Variants in SRPK1 observed in about 807,000 individuals in gnomAD.
SRPK1 encodes the protein SRSF protein kinase 1, also known as SFRS protein kinase 1.
Under a neutral mutation model 89.5 loss-of-function variants are expected in SRPK1, and 52 were observed. The ratio of observed to expected loss-of-function variants is 0.58; its 90% confidence interval spans 0.46 to 0.73. SRPK1 has a LOEUF of 0.73. Among genes scored for constraint, SRPK1 ranks in the 30% least tolerant of loss-of-function variants. SRPK1 has a pLI of 0.00. For synonymous variants in SRPK1, 255 were observed against 270.2 expected (o/e 0.94, Z 0.55); for missense variants, 603 against 780.6 (o/e 0.77, Z 2.71).
In SRPK1 at chr6:35,869,501, G is replaced by A. The variant is rs778489915; in HGVS notation, c.1392C>T (p.Asn464=). Residue 464 remains asparagine (N), a synonymous_variant, in exon 11 of 16, where the codon AAC becomes AAT. Coordinates refer to ENST00000373825, the MANE Select transcript of SRPK1 (RefSeq NM_003137.5). ...PCEDEQEQEH[N]GPLDNKGKST... ...AGGTACCTTTGTTGTCCAGTGGTCC[G>A]TTATGTTCTTGCTCTTGTTCATCTT... 8.7e-6 allele frequency: 14 copies of A among 1,613,670 alleles called. No individual in the cohort carries two copies. The East Asian group carries it at 8.9e-5, about 10-fold the overall frequency.
chr6:35,857,712 C>T (rs9470142), intron 12 of SRPK1, among the ~76,000 whole-genome samples: 44,446 of 152,082 alleles, frequency 0.29, 6,829 homozygotes, highest in South Asian at 0.42. Context: ...AAGTGATCCA[C>T]CCACCTTGGC....
chr6:35,871,043 A>G, intron 8 of SRPK1, 84 bp from the exon 9 acceptor site: 1 of 1,161,116 alleles, frequency 8.6e-7, no homozygotes. Flanking sequence ...CTCTACCAGA[A>G]TGAAAAGTCT....
At chr6:35,919,228 C>T (rs1771175056) in intron 2 of SRPK1, among the ~76,000 whole-genome samples, 1 of 152,194 alleles carries the variant, frequency 6.6e-6, no homozygotes, top group Admixed American at 6.5e-5. Context: ...CGTCACCAAG[C>T]ACTTACAAAA....
At chr6:35,883,052 C>T (rs1055864799) in intron 6 of SRPK1, among the ~76,000 whole-genome samples, 7 of 152,264 alleles carry the variant, frequency 4.6e-5, no homozygotes, top group Admixed American at 3.3e-4. Context: ...CGTGATCCGC[C>T]CGCTTTGGCC....
intron 7 of SRPK1, among the ~76,000 whole-genome samples, chr6:35,873,817 TTTAAAACAA>T (rs1415218205): frequency 6.7e-6 from 1 of 148,700 alleles, no homozygotes; most frequent in Non-Finnish European, 1.5e-5. Context: ...AACAAAGAAT[TTTAAAACAA>T]AAATTCTTTT....
At chr6:35,856,855 G>T (rs1769676449) in intron 13 of SRPK1, 1 of 157,076 alleles carries the variant, frequency 6.4e-6, no homozygotes, top group South Asian at 2.0e-4. Context: ...CATCTTGGGA[G>T]CTGCAAAGGT....
intron 2 of SRPK1, 113 bp downstream of exon 2, chr6:35,920,355 G>T: frequency 8.5e-7 from 1 of 1,183,228 alleles, no homozygotes; most frequent in Non-Finnish European, 1.3e-6. Flanking sequence ...CCGAGGCCAT[G>T]TGGCTGCAGC....
chr6:35,893,962 G>A (rs1770575963), intron 2 of SRPK1, among the ~76,000 whole-genome samples: 1 of 152,058 alleles, frequency 6.6e-6, no homozygotes, highest in Admixed American at 6.5e-5. Context: ...AATGAGCCGA[G>A]ATCATGCCAC....
At chr6:35,870,773 A>AT (rs1770019279) in intron 9 of SRPK1, among the ~76,000 whole-genome samples, 161 bp downstream of exon 9, 1 of 152,212 alleles carries the variant, frequency 6.6e-6, no homozygotes, top group Non-Finnish European at 1.5e-5. Context: ...TACAAATGTG[A>AT]TGAAGGTGCA....
At chr6:35,885,916 A>C (rs1283746192) in intron 6 of SRPK1, among the ~76,000 whole-genome samples, 1 of 152,182 alleles carries the variant, frequency 6.6e-6, no homozygotes, top group Non-Finnish European at 1.5e-5. Context: ...ATTATAATAG[A>C]ATGTGAACAA....
intron 13 of SRPK1, among the ~76,000 whole-genome samples, chr6:35,844,904 C>T (rs1438506940): frequency 6.6e-6 from 1 of 151,994 alleles, no homozygotes; most frequent in Non-Finnish European, 1.5e-5. Context: ...CAGAGCCAGC[C>T]GCGGCAGTGC....
intron 6 of SRPK1, 71 bp from the exon 7 acceptor site, chr6:35,874,410 C>T (rs1770110419): frequency 1.0e-6 from 1 of 989,646 alleles, no homozygotes; most frequent in Non-Finnish European, 1.6e-6. Flanking sequence ...TGAATTCCAC[C>T]CTATTAAATG....
At chr6:35,905,572 T>C (rs904323751) in intron 2 of SRPK1, among the ~76,000 whole-genome samples, 1 of 152,226 alleles carries the variant, frequency 6.6e-6, no homozygotes, top group Non-Finnish European at 1.5e-5. Context: ...AGCATAATCC[T>C]ACAGCAAGGA....
intron 8 of SRPK1, among the ~76,000 whole-genome samples, chr6:35,871,649 T>C (rs927761135): frequency 6.6e-6 from 1 of 152,138 alleles, no homozygotes; most frequent in Non-Finnish European, 1.5e-5. Context: ...TAACTCAACT[T>C]GAGGATCAAG....
chr6:35,909,339 C>A (rs1257039594), intron 2 of SRPK1, among the ~76,000 whole-genome samples: 1 of 152,186 alleles, frequency 6.6e-6, no homozygotes, highest in African/African-American at 2.4e-5. Flanking sequence ...GGGTCTGTAG[C>A]CCCTTTGTTT....
At chr6:35,850,677 A>G (rs1391554337) in intron 13 of SRPK1, among the ~76,000 whole-genome samples, 1 of 152,172 alleles carries the variant, frequency 6.6e-6, no homozygotes, top group Admixed American at 6.5e-5. Flanking sequence ...GCATATGTCT[A>G]CTGCACATAT....
rs771837794 is a variant in SRPK1 at position 35,869,183 on chromosome 6, C to T, written c.1412-73G>A. 40 of 1,297,776 alleles carry T rather than the reference C, an allele frequency of 3.1e-5. No homozygotes were observed. In the Middle Eastern group the frequency reaches 5.5e-4, roughly 18 times the overall value. The allele number at this position is 1,297,776 out of a possible 1,614,324, so 80.4% of individuals were successfully genotyped here. A position where few individuals can be genotyped will look rare whatever the true frequency, so the allele number is the denominator to read the frequency against. On this transcript the variant is annotated intron_variant, in intron 11 of 15. Transcript: ENST00000373825. ...ATACTCAATGAGTAATAAAGCTCTC[C>T]AAGGTAAGAGTAATACAGTCAGCAA... is the stretch of plus-strand genomic sequence containing the variant.
At chr6:35,910,648 T>C (rs1770940393) in intron 2 of SRPK1, among the ~76,000 whole-genome samples, 1 of 152,238 alleles carries the variant, frequency 6.6e-6, no homozygotes, top group Admixed American at 6.5e-5. Context: ...AGGACTTTCA[T>C]AGCTGGAGAC....
At chr6:35,887,878 G>A (rs1770442741) in intron 5 of SRPK1, 146 bp downstream of exon 5, 2 of 507,570 alleles carry the variant, frequency 3.9e-6, no homozygotes, top group Admixed American at 3.9e-5. Context: ...TGTAAATATT[G>A]TTGTCTTCCT....
Sources: allele counts gnomAD v4.1 joint callset (sites outside exome capture counted in the v4.1 genomes callset), GRCh38; gene constraint gnomAD v4.1.1; transcripts MANE v1.5; gene names NCBI Gene and HGNC (gene_info 2026-07-23, HGNC 2026-07-21).